The following MYT1L variants were observed in gnomAD, a reference collection of about 807,000 sequenced individuals.
MYT1L encodes the protein myelin transcription factor 1 like, also known as myelin transcription factor 1-like protein.
A neutral mutation model predicts 126.7 loss-of-function variants in MYT1L; 12 were observed. The ratio of observed to expected loss-of-function variants is 0.09; its 90% CI spans 0.06 to 0.15. MYT1L has a LOEUF of 0.15. Among genes scored for constraint, MYT1L ranks in the 10% least tolerant of loss-of-function variants. The pLI is 1.00. For missense variants in MYT1L, 979 were observed against 1,585.2 expected (o/e 0.62, Z 6.49); for synonymous variants, 541 against 604.2 (o/e 0.90, Z 1.53).
At chr2:1,931,137 AGAG>A (rs1463999716) in intron 9 of MYT1L, among the ~76,000 whole-genome samples, 1 of 152,138 alleles carries the variant, frequency 6.6e-6, no homozygotes, top group Non-Finnish European at 1.5e-5. Flanking sequence ...CATCCCTTAG[AGAG>A]GAGAAGGGTG....
At chr2:2,126,284 T>G (rs547270981) in intron 3 of MYT1L, among the ~76,000 whole-genome samples, 1 of 152,362 alleles carries the variant, frequency 6.6e-6, no homozygotes, top group Admixed American at 6.5e-5. Flanking sequence ...ATCCTCATTA[T>G]CATAGGAAAT....
At chr2:1,969,656 C>G (rs970305934) in intron 8 of MYT1L, among the ~76,000 whole-genome samples, 2 of 152,178 alleles carry the variant, frequency 1.3e-5, no homozygotes, top group African/African-American at 4.8e-5. Flanking sequence ...CAGTGGCACT[C>G]AGGAATGGCT....
intron 2 of MYT1L, among the ~76,000 whole-genome samples, chr2:2,196,454 A>G (rs190143192): frequency 4.5e-4 from 69 of 152,008 alleles, no homozygotes; most frequent in African/African-American, 1.6e-3. Context: ...ATAATCATTG[A>G]CTGTATAAAA....
chr2:2,013,622 C>A (rs928330891), intron 4 of MYT1L, among the ~76,000 whole-genome samples: 2 of 152,246 alleles, frequency 1.3e-5, no homozygotes, highest in African/African-American at 4.8e-5. Flanking sequence ...GTCTGCAGAG[C>A]CAGGCTTCAG....
At chr2:1,911,484 A>G (rs1218092024) in intron 12 of MYT1L, among the ~76,000 whole-genome samples, 1 of 152,182 alleles carries the variant, frequency 6.6e-6, no homozygotes, top group African/African-American at 2.4e-5. Flanking sequence ...TTTCACAAAC[A>G]AAAGAGTGGT....
chr2:2,079,104 C>T (rs1480440051), intron 3 of MYT1L, among the ~76,000 whole-genome samples: 2 of 152,146 alleles, frequency 1.3e-5, no homozygotes, highest in Admixed American at 1.3e-4. Context: ...TTGGACTTCC[C>T]AGGCTCCAGA....
intron 22 of MYT1L, among the ~76,000 whole-genome samples, chr2:1,803,395 C>T (rs2035186107): frequency 1.3e-5 from 2 of 152,126 alleles, no homozygotes; most frequent in African/African-American, 4.8e-5. Context: ...TCCTAGGAAT[C>T]CCATCTCGCA....
At chr2:2,169,799 G>T (rs1450630490) in intron 3 of MYT1L, among the ~76,000 whole-genome samples, 1 of 152,124 alleles carries the variant, frequency 6.6e-6, no homozygotes. Context: ...ACCCTTCCGG[G>T]AAGATGTTTT....
chr2:2,262,562 G>A (rs569703302), intron 2 of MYT1L, among the ~76,000 whole-genome samples: 15 of 151,446 alleles, frequency 9.9e-5, no homozygotes, highest in Non-Finnish European at 1.6e-4. Context: ...GCATGGTGGC[G>A]GGCACCTGTG....
rs959988977 is a variant in MYT1L at position 1,806,564 on chromosome 2, G to A, written c.3172+2512C>T. On this transcript the variant is annotated intron_variant, in intron 22 of 24. Transcript: ENST00000647738. The surrounding 1 kb of genome is among the most constrained non-coding windows in gnomAD (Gnocchi z 4.9). The stretch of plus-strand genomic sequence containing the variant: ...ACCAACTGCTTATCTTTATCCCTCC[G>A]AGTTAGCACCTGTTTTTGTGAATTA... Among the ~76,000 whole-genome samples the A allele has an allele frequency of 6.6e-6, 1 of 152,094 alleles. No homozygotes were observed. Among genetic ancestry groups the A allele is most frequent in the Non-Finnish European group, 1.5e-5 (1 of 68,030 alleles).
At chr2:2,237,545 A>G (rs1309732553) in intron 2 of MYT1L, among the ~76,000 whole-genome samples, 1 of 152,218 alleles carries the variant, frequency 6.6e-6, no homozygotes, top group Non-Finnish European at 1.5e-5. Flanking sequence ...TAAGTTGCTT[A>G]AAATGCATAA....
chr2:2,089,532 G>GA (rs995540760), intron 3 of MYT1L, among the ~76,000 whole-genome samples: 14 of 152,176 alleles, frequency 9.2e-5, no homozygotes, highest in African/African-American at 3.4e-4. Flanking sequence ...AGAGGACTTG[G>GA]AAAATGACTG....
intron 22 of MYT1L, 115 bp downstream of exon 22, chr2:1,808,961 G>T: frequency 1.1e-6 from 1 of 902,830 alleles, no homozygotes; most frequent in Non-Finnish European, 1.8e-6. Context: ...AATTATCTCT[G>T]CCCCTGCTTT....
intron 2 of MYT1L, among the ~76,000 whole-genome samples, chr2:2,181,919 A>G (rs1304799068): frequency 6.6e-6 from 1 of 152,138 alleles, no homozygotes. Context: ...TTCAGAGAGA[A>G]ACTGAGGTTC....
chr2:2,010,024 G>T (rs906768191), intron 4 of MYT1L, among the ~76,000 whole-genome samples: 13 of 149,600 alleles, frequency 8.7e-5, no homozygotes, highest in Non-Finnish European at 1.5e-4. Context: ...CACATTGATT[G>T]ATTTGCATAT....
chr2:2,241,988 G>A (rs947832276), intron 2 of MYT1L, among the ~76,000 whole-genome samples: 2 of 151,938 alleles, frequency 1.3e-5, no homozygotes, highest in Admixed American at 6.6e-5. Context: ...CTTGCATTTA[G>A]TGAAGTGCTC....
Position 1,831,666 on chromosome 2 carries a change from G to A in MYT1L, c.3080+7483C>T, listed in dbSNP as rs150042705. 2.5e-3 allele frequency among the ~76,000 whole-genome samples: 387 copies of A among 152,208 alleles called. 2 individuals are homozygous for A. The highest frequency in any genetic ancestry group is 3.6e-3 in the Non-Finnish European group (246 of 68,010). ...AGCCCAGCATCGTTTTGAACTCTCC[G>A]CCACACCGGCCTCTCGCCACTTTCC... On this transcript the variant is annotated intron_variant, in intron 21 of 24. Transcript: ENST00000647738.
chr2:1,885,427 A>G (rs2048053475), intron 18 of MYT1L: 1 of 152,682 alleles, frequency 6.5e-6, no homozygotes, highest in Admixed American at 6.5e-5. Flanking sequence ...TTGTGGCGAA[A>G]GAGCTAGTTC....
At chr2:2,187,687 T>C (rs1388246010) in intron 2 of MYT1L, among the ~76,000 whole-genome samples, 1 of 152,124 alleles carries the variant, frequency 6.6e-6, no homozygotes, top group East Asian at 1.9e-4. Flanking sequence ...ATTGCATTCA[T>C]GGCTGAATTC....
Sources: gnomAD v4.1 joint callset for allele counts (sites outside exome capture counted in the v4.1 genomes callset) on GRCh38, gnomAD v4.1.1 for gene constraint, Gnocchi (gnomAD v3.1) non-coding constraint, MANE v1.5 for transcripts, NCBI Gene and HGNC (gene_info 2026-07-23, HGNC 2026-07-21) for gene names.